The following VPS45 variants were observed in gnomAD, a reference collection of about 807,000 sequenced individuals.
VPS45 encodes vacuolar protein sorting 45 homolog.
Under a neutral mutation model 75.9 loss-of-function variants are expected in VPS45, and 35 were observed. The ratio of observed to expected loss-of-function variants is 0.46; its 90% CI spans 0.35 to 0.61. The LOEUF is 0.61. Among genes scored for constraint, VPS45 ranks in the 20% least tolerant of loss-of-function variants. The probability of loss-of-function intolerance (pLI) is 0.00; values close to 1 mark genes in which losing one functional copy is unlikely to be tolerated. For missense variants in VPS45, 559 were observed against 685.9 expected, an observed-to-expected ratio of 0.81 and a Z score of 2.07; for synonymous variants, 220 against 238.2, an observed-to-expected ratio of 0.92 and a Z score of 0.70.
At chr1:150,104,818 C>T (rs946518761) in intron 13 of VPS45, among the ~76,000 whole-genome samples, 3 of 152,112 alleles carry the variant, frequency 2.0e-5, no homozygotes, top group Non-Finnish European at 4.4e-5. Context: ...ATCTCAAGCT[C>T]CTTGGCTCAA....
intron 2 of VPS45, among the ~76,000 whole-genome samples, chr1:150,071,071 C>A (rs1655043951): frequency 6.6e-6 from 1 of 151,848 alleles, no homozygotes; most frequent in Non-Finnish European, 1.5e-5. Context: ...ATCTAAATTA[C>A]AATTTTTAAA....
chr1:150,087,086 T>C lies in VPS45; in HGVS notation c.1104+4203T>C, dbSNP rs782344174. Among the ~76,000 whole-genome samples, 3 of 152,304 alleles carry C rather than the reference T, an allele frequency of 2.0e-5. No homozygotes were observed. The Middle Eastern group carries it at 0.01, about 518-fold the overall frequency. The stretch of plus-strand genomic sequence containing the variant: ...CTTGCTGTGCTGCTTTATCATAGTT[T>C]TGATAGAAGAAAACAGAAAAGTAAA... On this transcript the variant is annotated intron_variant, in intron 10 of 14. Coordinates refer to ENST00000644510, the MANE Select transcript of VPS45 (RefSeq NM_007259.5).
chr1:150,074,006 TG>T (rs1275648579), intron 3 of VPS45, among the ~76,000 whole-genome samples: 18 of 138,478 alleles, frequency 1.3e-4, no homozygotes, highest in African/African-American at 4.8e-4. Context: ...TGTGTGTGTG[TG>T]TTGTTTTTGT....
At chr1:150,095,917 T>C (rs1170960605) in intron 13 of VPS45, among the ~76,000 whole-genome samples, 1 of 151,968 alleles carries the variant, frequency 6.6e-6, no homozygotes. Context: ...ATATTTGTGG[T>C]AAGAATGGAT....
chr1:150,077,675 A>G lies in VPS45; in HGVS notation c.583A>G (p.Ile195Val). 2 of 1,612,566 alleles carry G rather than the reference A, an allele frequency of 1.2e-6. No homozygotes were observed. The highest frequency in any genetic ancestry group is 1.3e-5 in the African/African-American group (1 of 75,010). ...KRLAECVKQV[I>V]TKEYELFEFR... ...CTTTCTCTCTCACCCACAGCAAGTG[A>G]TAACTAAAGAATATGAACTGTTTGA... The change falls in exon 7 of 15, where the codon ATA (isoleucine) becomes GTA (valine). Residue 195 changes from isoleucine to valine, a missense_variant. Transcript: ENST00000644510.
chr1:150,102,081 T>TA (rs36120043), intron 13 of VPS45, among the ~76,000 whole-genome samples: 148,100 of 150,508 alleles, frequency 0.98, 72,910 homozygotes, highest in Middle Eastern at 1. Context: ...TACTAAAAAA[T>TA]AAAAAAATTA....
chr1:150,118,156 T>C lies in VPS45; in HGVS notation c.1625+7529T>C, dbSNP rs587633651. 4.7e-5 allele frequency among the ~76,000 whole-genome samples: 7 copies of C among 149,680 alleles called. No homozygotes were observed. In the East Asian group the frequency reaches 1.3e-3, roughly 27 times the overall value. On this transcript the variant is annotated intron_variant, in intron 14 of 14. Coordinates refer to ENST00000644510, the MANE Select transcript of VPS45 (RefSeq NM_007259.5). ...AAAATTAGTTGGGTGTGATGGTGTG[T>C]GCCTGTAATCCCAGCTACTCGGGAG...
intron 13 of VPS45, among the ~76,000 whole-genome samples, chr1:150,106,684 C>A (rs782765374): frequency 6.6e-6 from 1 of 152,072 alleles, no homozygotes; most frequent in Non-Finnish European, 1.5e-5. Context: ...TCTTCTCTGC[C>A]GACTTCTTTT....
chr1:150,115,528 A>G (rs1449952548), intron 14 of VPS45, among the ~76,000 whole-genome samples: 1 of 152,200 alleles, frequency 6.6e-6, no homozygotes, highest in Non-Finnish European at 1.5e-5. Context: ...TTAACTCATG[A>G]TGAAGCATTT....
At chr1:150,126,179 A>G (rs1553810656) in intron 14 of VPS45, among the ~76,000 whole-genome samples, 2 of 151,902 alleles carry the variant, frequency 1.3e-5, no homozygotes, top group African/African-American at 4.8e-5. Flanking sequence ...AAGGTATGGG[A>G]TTAATTTCAT....
At chr1:150,099,945 C>G (rs1656887362) in intron 13 of VPS45, among the ~76,000 whole-genome samples, 1 of 152,162 alleles carries the variant, frequency 6.6e-6, no homozygotes, top group South Asian at 2.1e-4. Flanking sequence ...CAAGGATGCC[C>G]TCTCTCACCA....
intron 2 of VPS45, 47 bp from the exon 3 acceptor site, chr1:150,072,119 T>G: frequency 1.3e-6 from 2 of 1,540,230 alleles, no homozygotes; most frequent in East Asian, 2.3e-5. Flanking sequence ...ACTTTTTTCC[T>G]TAAGCAACTC....
Position 150,092,363 on chromosome 1 carries a change from C to T in VPS45, c.1325C>T (p.Pro442Leu). ...GTCAGAGGAAGTGACCTCTTCAGCCCCAAAGATGCTGTGGCTATCACCAAA... is the reference window on the plus strand; with the variant it reads ...GTCAGAGGAAGTGACCTCTTCAGCCTCAAAGATGCTGTGGCTATCACCAAA... The part of the protein sequence containing the change: ...KRVRGSDLFS[P>L]KDAVAITKQF... Residue 442 changes from proline to leucine, a missense_variant, in exon 12 of 15, where the codon CCC becomes CTC. Pro to Leu is a moderately conservative substitution (Grantham distance 98, BLOSUM62 -3). Coordinates refer to ENST00000644510, the MANE Select transcript of VPS45 (RefSeq NM_007259.5). 6.2e-7 allele frequency: 1 copy of T among 1,614,054 alleles called. No homozygotes were observed. Among genetic ancestry groups the T allele is most frequent in the Non-Finnish European group, 8.5e-7 (1 of 1,179,998 alleles).
intron 13 of VPS45, among the ~76,000 whole-genome samples, chr1:150,097,434 A>G (rs1656727715): frequency 6.6e-6 from 1 of 150,978 alleles, no homozygotes; most frequent in African/African-American, 2.4e-5. Context: ...AAAAAACTGT[A>G]TAATCCTGGG....
chr1:150,109,557 T>C (rs1559927562), intron 13 of VPS45: 1 of 152,216 alleles, frequency 6.6e-6, no homozygotes, highest in East Asian at 1.9e-4. Flanking sequence ...TGATTAAAGA[T>C]GTTTCTGGTT....
At chr1:150,097,451 G>A (rs1656728991) in intron 13 of VPS45, among the ~76,000 whole-genome samples, 1 of 151,580 alleles carries the variant, frequency 6.6e-6, no homozygotes. Context: ...TGGGTGCAGT[G>A]GTTTATGCCT....
chr1:150,108,486 G>C (rs1438465539), intron 13 of VPS45, among the ~76,000 whole-genome samples: 1 of 152,172 alleles, frequency 6.6e-6, no homozygotes, highest in East Asian at 1.9e-4. Flanking sequence ...AACAGATGGA[G>C]AGAATGAGTT....
At chr1:150,139,170 C>T (rs1553814590) in intron 14 of VPS45, among the ~76,000 whole-genome samples, 1 of 152,066 alleles carries the variant, frequency 6.6e-6, no homozygotes, top group African/African-American at 2.4e-5. Context: ...TTTTGCAGAA[C>T]CCTCCAGATG....
chr1:150,107,140 T>C (rs1161317630), intron 13 of VPS45, among the ~76,000 whole-genome samples: 3 of 152,196 alleles, frequency 2.0e-5, no homozygotes, highest in African/African-American at 7.2e-5. Flanking sequence ...TTGGTTTTCT[T>C]CTCATTCTAC....
Sources: gnomAD v4.1 joint callset for allele counts (sites outside exome capture counted in the v4.1 genomes callset) on GRCh38, gnomAD v4.1.1 for gene constraint, MANE v1.5 for transcripts, NCBI Gene and HGNC (gene_info 2026-07-23, HGNC 2026-07-21) for gene names.